GRM1: variants seen among roughly 807,000 people sequenced by gnomAD.
GRM1 encodes metabotropic glutamate receptor 1.
Under a neutral mutation model 90.9 loss-of-function variants are expected in GRM1, and 33 were observed. The observed-to-expected ratio is 0.36, with a 90% CI of 0.28 to 0.49. The LOEUF (loss-of-function observed/expected upper bound fraction) is 0.49. GRM1 is among the 20% of genes least tolerant of loss of function. GRM1 has a pLI of 0.99. For synonymous variants in GRM1, 700 were observed against 613.2 expected, an observed-to-expected ratio of 1.14 and a Z score of -2.09; for missense variants, 1,190 against 1,534.3, an observed-to-expected ratio of 0.78 and a Z score of 3.75.
chr6:146,407,957 G>A (rs1777409048), intron 7 of GRM1, among the ~76,000 whole-genome samples: 2 of 152,150 alleles, frequency 1.3e-5, no homozygotes, highest in African/African-American at 4.8e-5. Context: ...AGAGTCAGAT[G>A]TTGTTTTTAG....
At chr6:146,110,861 G>T (rs1019168880) in intron 1 of GRM1, among the ~76,000 whole-genome samples, 2 of 152,188 alleles carry the variant, frequency 1.3e-5, no homozygotes, top group African/African-American at 4.8e-5. Context: ...CTTAGGAATT[G>T]CAATTTGGGA....
chr6:146,391,707 A>G (rs1302447159), intron 6 of GRM1, among the ~76,000 whole-genome samples: 1 of 152,070 alleles, frequency 6.6e-6, no homozygotes, highest in Non-Finnish European at 1.5e-5. Context: ...CTAAATAAAA[A>G]ATAAAGAAAG....
chr6:146,297,499 A>G (rs944989968), intron 2 of GRM1, among the ~76,000 whole-genome samples: 2 of 152,152 alleles, frequency 1.3e-5, no homozygotes, highest in South Asian at 4.1e-4. Context: ...TTCTACTTTT[A>G]ATGCAAAACG....
intron 3 of GRM1, among the ~76,000 whole-genome samples, chr6:146,311,142 C>T (rs181880076): frequency 3.2e-4 from 48 of 152,206 alleles, no homozygotes; most frequent in South Asian, 2.1e-3. Context: ...AGGATCTCGT[C>T]GAGCAAAGCC....
At chr6:146,054,961 T>C (rs1381615304) in intron 1 of GRM1, among the ~76,000 whole-genome samples, 1 of 151,438 alleles carries the variant, frequency 6.6e-6, no homozygotes, top group East Asian at 1.9e-4. Flanking sequence ...GGGTAATAAT[T>C]GGGGGTGGAG....
intron 2 of GRM1, among the ~76,000 whole-genome samples, chr6:146,285,313 C>A (rs1782718460): frequency 6.6e-6 from 1 of 152,158 alleles, no homozygotes; most frequent in African/African-American, 2.4e-5. Context: ...CTCACCCTTT[C>A]CCGTTAATTT....
At chr6:146,116,216 C>T (rs1775739720) in intron 1 of GRM1, among the ~76,000 whole-genome samples, 1 of 152,142 alleles carries the variant, frequency 6.6e-6, no homozygotes, top group Admixed American at 6.6e-5. Context: ...CCCGGCCTCC[C>T]AAAGTATTGG....
chr6:146,192,678 G>A (rs922306577), intron 2 of GRM1, among the ~76,000 whole-genome samples: 1 of 152,092 alleles, frequency 6.6e-6, no homozygotes, highest in Non-Finnish European at 1.5e-5. Flanking sequence ...TTTAAACTGT[G>A]TTGTGACCAA....
intron 1 of GRM1, among the ~76,000 whole-genome samples, chr6:146,116,421 C>A (rs1162106547): frequency 6.6e-6 from 1 of 151,992 alleles, no homozygotes; most frequent in Non-Finnish European, 1.5e-5. Context: ...ATTTTTAATG[C>A]CAAATGATCA....
intron 2 of GRM1, among the ~76,000 whole-genome samples, chr6:146,208,841 A>G (rs1779581043): frequency 1.3e-5 from 2 of 152,152 alleles, no homozygotes; most frequent in African/African-American, 4.8e-5. Flanking sequence ...TTAAATTTTT[A>G]TAAATGCCAG....
At position 146,312,349 on chromosome 6, in the gene GRM1, CAAAAAAAAAAAAAAAA is replaced by C. The variant is rs1166008558; in HGVS notation, c.1186+7518_1186+7533del. On this transcript the variant is annotated intron_variant, in intron 3 of 7. Coordinates refer to ENST00000282753, the MANE Select transcript of GRM1 (RefSeq NM_001278064.2). ...GAGCCTGGGTGAAAGAACTCCGTCT[CAAAAAAAAAAAAAAAA>C]AAAAAAAAAAAAAAGAATATTTAGT... Among the ~76,000 whole-genome samples the C allele has an allele frequency of 7.0e-4, 15 of 21,338 alleles. 1 individual carries two copies. Among genetic ancestry groups the C allele is most frequent in the Non-Finnish European group, 1.2e-3 (13 of 10,808 alleles). 14.0% of individuals were successfully genotyped at this position (21,338 alleles called of 152,430 possible).
intron 7 of GRM1, among the ~76,000 whole-genome samples, chr6:146,416,085 T>C (rs1161560804): frequency 6.6e-6 from 1 of 152,174 alleles, no homozygotes; most frequent in Non-Finnish European, 1.5e-5. Flanking sequence ...CCTTTGACTT[T>C]CACCTTTTGT....
chr6:146,047,853 A>C (rs1791390309), intron 1 of GRM1, among the ~76,000 whole-genome samples: 1 of 151,976 alleles, frequency 6.6e-6, no homozygotes, highest in Non-Finnish European at 1.5e-5. Context: ...CTAGAATGAC[A>C]CTGGGTGAAA....
chr6:146,296,027 AT>A (rs1248668753), intron 2 of GRM1, among the ~76,000 whole-genome samples: 17 of 152,328 alleles, frequency 1.1e-4, no homozygotes, highest in African/African-American at 3.8e-4. Flanking sequence ...CTCCAGCTCC[AT>A]CCATTTTCCC....
intron 2 of GRM1, among the ~76,000 whole-genome samples, chr6:146,301,338 A>G (rs563987295): frequency 6.6e-6 from 1 of 152,326 alleles, no homozygotes; most frequent in South Asian, 2.1e-4. Context: ...ATTTCTACAT[A>G]TTCACAGATA....
chr6:146,424,043 C>T (rs1049741912), intron 7 of GRM1, among the ~76,000 whole-genome samples: 1 of 152,186 alleles, frequency 6.6e-6, no homozygotes, highest in African/African-American at 2.4e-5. Flanking sequence ...AGGTTCCTCT[C>T]CAGCCAGTCA....
intron 2 of GRM1, among the ~76,000 whole-genome samples, chr6:146,187,548 G>A (rs999607012): frequency 1.3e-5 from 2 of 151,866 alleles, no homozygotes; most frequent in African/African-American, 4.8e-5. Context: ...TTTGTCCATG[G>A]CAAAAGATCA....
intron 2 of GRM1, among the ~76,000 whole-genome samples, chr6:146,258,622 A>T (rs1303058405): frequency 1.3e-5 from 2 of 151,966 alleles, no homozygotes; most frequent in African/African-American, 4.8e-5. Context: ...TGGGCTCAAG[A>T]GATCCTCCTG....
chr6:146,335,584 A>G (rs1364478845), intron 3 of GRM1, among the ~76,000 whole-genome samples: 2 of 151,954 alleles, frequency 1.3e-5, no homozygotes, highest in African/African-American at 4.8e-5. Context: ...CACCCACTTG[A>G]TTTCCATCAA....
Sources: allele counts gnomAD v4.1 joint callset (sites outside exome capture counted in the v4.1 genomes callset), GRCh38; gene constraint gnomAD v4.1.1; transcripts MANE v1.5; gene names NCBI Gene and HGNC (gene_info 2026-07-23, HGNC 2026-07-21).